The following GIN1 variants were observed in gnomAD, a reference collection of about 807,000 sequenced individuals.
GIN1 encodes gypsy retrotransposon integrase-like protein 1.
In GIN1, 41 loss-of-function variants were observed where a neutral mutation model predicts 51.4. That is an observed-to-expected ratio of 0.80 (90% CI 0.62 to 1.04). The LOEUF (loss-of-function observed/expected upper bound fraction) is 1.04. GIN1 is among the 50% of genes least tolerant of loss of function. GIN1 has a pLI of 0.00. For missense variants in GIN1, 610 were observed against 612.4 expected (o/e 1.00, Z 0.04); for synonymous variants, 222 against 206.5 (o/e 1.07, Z -0.64).
At chr5:103,117,961 A>G (rs996549090) in intron 1 of GIN1, among the ~76,000 whole-genome samples, 8 of 152,172 alleles carry the variant, frequency 5.3e-5, no homozygotes, top group Non-Finnish European at 1.0e-4. Context: ...TACTTGGTTC[A>G]GGCCTCTGTT....
intron 1 of GIN1, among the ~76,000 whole-genome samples, chr5:103,112,577 C>T (rs868929807): frequency 4.6e-5 from 7 of 152,174 alleles, no homozygotes; most frequent in Middle Eastern, 3.2e-3. Flanking sequence ...CAACCATTCT[C>T]TATACCTTGG....
intron 1 of GIN1, among the ~76,000 whole-genome samples, chr5:103,109,254 T>C (rs1397687237): frequency 2.0e-5 from 3 of 152,078 alleles, no homozygotes; most frequent in Admixed American, 6.6e-5. Context: ...TGTCTGTCTA[T>C]AGAAAGGAGC....
chr5:103,090,921 ACACACT>A (rs1191936033), intron 7 of GIN1, among the ~76,000 whole-genome samples: 2 of 152,004 alleles, frequency 1.3e-5, no homozygotes, highest in Admixed American at 1.3e-4. Context: ...ACACACACAC[ACACACT>A]CTTTTTCTTC....
chr5:103,093,335 G>C (rs1047660533), intron 7 of GIN1, among the ~76,000 whole-genome samples: 3 of 152,174 alleles, frequency 2.0e-5, no homozygotes, highest in Admixed American at 6.5e-5. Flanking sequence ...GTTGGAGTAA[G>C]GTGATGTAAG....
chr5:103,112,195 G>A (rs938928061), intron 1 of GIN1, among the ~76,000 whole-genome samples: 3 of 152,020 alleles, frequency 2.0e-5, no homozygotes, highest in Non-Finnish European at 4.4e-5. Context: ...TAGGGAGAGG[G>A]ACATAAACAT....
At chr5:103,092,024 T>A (rs1435641757) in intron 7 of GIN1, among the ~76,000 whole-genome samples, 2 of 147,944 alleles carry the variant, frequency 1.4e-5, no homozygotes, top group Non-Finnish European at 3.0e-5. Flanking sequence ...GAACTCCATC[T>A]CAAAAAAAAA....
intron 1 of GIN1, among the ~76,000 whole-genome samples, chr5:103,112,877 T>A (rs193081890): frequency 6.6e-6 from 1 of 152,154 alleles, no homozygotes; most frequent in East Asian, 1.9e-4. Flanking sequence ...TTAAATAAAA[T>A]GAAATCCCTG....
At chr5:103,100,777 C>A (rs1787550427) in intron 4 of GIN1, among the ~76,000 whole-genome samples, 1 of 152,110 alleles carries the variant, frequency 6.6e-6, no homozygotes, top group African/African-American at 2.4e-5. Flanking sequence ...GCTAGCTAAT[C>A]ATAATGGCTT....
intron 2 of GIN1, among the ~76,000 whole-genome samples, chr5:103,108,308 A>T (rs1312511539): frequency 8.5e-5 from 13 of 152,104 alleles, no homozygotes; most frequent in African/African-American, 3.1e-4. Flanking sequence ...GTAAAAGCAG[A>T]AGTTGTTAAT....
intron 7 of GIN1, 134 bp downstream of exon 7, chr5:103,096,407 T>C: frequency 4.4e-6 from 3 of 679,050 alleles, no homozygotes; most frequent in Non-Finnish European, 7.6e-6. Flanking sequence ...CTACCTGGGA[T>C]AGCTAAAACT....
At chr5:103,101,674 T>G (rs1554195813) in intron 4 of GIN1, among the ~76,000 whole-genome samples, 1 of 152,232 alleles carries the variant, frequency 6.6e-6, no homozygotes, top group African/African-American at 2.4e-5. Flanking sequence ...ATCCATACTT[T>G]CATTCAACTG....
intron 7 of GIN1, among the ~76,000 whole-genome samples, chr5:103,089,642 T>C (rs953829782): frequency 1.3e-5 from 2 of 152,026 alleles, no homozygotes; most frequent in African/African-American, 4.8e-5. Flanking sequence ...CCTAGGTTGG[T>C]CTCCTGAAGA....
intron 6 of GIN1, 86 bp downstream of exon 6, chr5:103,097,228 T>G: frequency 1.3e-6 from 1 of 768,596 alleles, no homozygotes; most frequent in Non-Finnish European, 2.2e-6. Flanking sequence ...TGTGTGTGCA[T>G]GCACACATGT....
At chr5:103,101,620 G>C (rs960886224) in intron 4 of GIN1, among the ~76,000 whole-genome samples, 5 of 152,270 alleles carry the variant, frequency 3.3e-5, no homozygotes, top group African/African-American at 1.2e-4. Flanking sequence ...AAAAATCTAA[G>C]CTCCCTGGCC....
intron 4 of GIN1, chr5:103,102,793 T>TC (rs1554195917): frequency 5.3e-5 from 8 of 151,994 alleles, no homozygotes; most frequent in Non-Finnish European, 1.5e-5. Flanking sequence ...GGTGGGGGTA[T>TC]CACTTGAGCC....
In GIN1 at chr5:103,100,506, G is replaced by A. The variant is rs148812563; in HGVS notation, c.640-2725C>T. ...TCCTGGGCTTAAGCAATCCTTACACGTTAGCCTCCTGAGTTGCTGGGACTA... is the reference window on the plus strand; with the variant it reads ...TCCTGGGCTTAAGCAATCCTTACACATTAGCCTCCTGAGTTGCTGGGACTA... On this transcript the variant is annotated intron_variant, in intron 4 of 7. Coordinates refer to ENST00000399004, the MANE Select transcript of GIN1 (RefSeq NM_017676.2). Among the ~76,000 whole-genome samples, 79 of 152,022 alleles carry A rather than the reference G, an allele frequency of 5.2e-4. 1 individual carries two copies. Among genetic ancestry groups the A allele is most frequent in the African/African-American group, 1.8e-3 (75 of 41,476 alleles).
At chr5:103,117,365 A>C (rs1788062016) in intron 1 of GIN1, among the ~76,000 whole-genome samples, 1 of 66,978 alleles carries the variant, frequency 1.5e-5, no homozygotes, top group Non-Finnish European at 2.8e-5. Flanking sequence ...TAATTTTAAA[A>C]AATTAAAAAT....
chr5:103,107,749 T>G (rs570002497), intron 2 of GIN1, among the ~76,000 whole-genome samples: 1 of 152,234 alleles, frequency 6.6e-6, no homozygotes, highest in African/African-American at 2.4e-5. Flanking sequence ...ATCAAATATA[T>G]GAATGAAAGA....
In GIN1 at chr5:103,101,707, G is replaced by T. The variant is rs541470965; in HGVS notation, c.639+2834C>A. On this transcript the variant is annotated intron_variant, in intron 4 of 7. Transcript: ENST00000399004. ...CTGCTGAAAGCAAAAGTATGGGTGA[G>T]GAAACATGTGGATTCTCACTTTTCT... Among the ~76,000 whole-genome samples, 540 of 152,312 alleles carry T rather than the reference G, an allele frequency of 3.5e-3. 1 individual carries two copies. Among genetic ancestry groups the T allele is most frequent in the Non-Finnish European group, 6.1e-3 (414 of 68,028 alleles).
Sources: allele counts gnomAD v4.1 joint callset (sites outside exome capture counted in the v4.1 genomes callset), GRCh38; gene constraint gnomAD v4.1.1; transcripts MANE v1.5; gene names NCBI Gene and HGNC (gene_info 2026-07-23, HGNC 2026-07-21).